ADAMTS19: variants seen among roughly 807,000 people sequenced by gnomAD.
ADAMTS19 encodes A disintegrin and metalloproteinase with thrombospondin motifs 19.
ADAMTS19 carries 93 observed loss-of-function variants against 153.3 expected under a neutral mutation model. The ratio of observed to expected loss-of-function variants is 0.61; its 90% CI spans 0.51 to 0.72. The LOEUF (loss-of-function observed/expected upper bound fraction) is 0.72, where lower values mean the gene tolerates loss of function less well. Ranked by LOEUF, ADAMTS19 falls within the 30% of genes least tolerant of loss-of-function variation. ADAMTS19 has a pLI of 0.00. For synonymous variants in ADAMTS19, 600 were observed against 556.6 expected (o/e 1.08, Z -1.10); for missense variants, 1,482 against 1,552.1 (o/e 0.95, Z 0.76).
chr5:129,515,290 T>C (rs898393317), intron 3 of ADAMTS19, among the ~76,000 whole-genome samples: 4 of 151,950 alleles, frequency 2.6e-5, no homozygotes, highest in Admixed American at 6.6e-5. Context: ...AGTGATTCCA[T>C]ATAAGTTTTA....
Position 129,583,891 on chromosome 5 carries a change from A to G in ADAMTS19, c.1373-12668A>G, listed in dbSNP as rs376898882. On this transcript the variant is annotated intron_variant, in intron 7 of 22. Transcript: ENST00000274487. ...AACTTGGAGAAGTTTGTTATTACCCACCTTCTGAAGCCTACTTCTGTCAAT... is the reference window on the plus strand; with the variant it reads ...AACTTGGAGAAGTTTGTTATTACCCGCCTTCTGAAGCCTACTTCTGTCAAT... 1.5e-3 allele frequency among the ~76,000 whole-genome samples: 221 copies of G among 152,026 alleles called. 1 individual carries two copies. In the South Asian group the frequency reaches 0.023, roughly 16 times the overall value.
chr5:129,541,383 T>C (rs1752648943), intron 6 of ADAMTS19, among the ~76,000 whole-genome samples: 1 of 151,988 alleles, frequency 6.6e-6, no homozygotes, highest in African/African-American at 2.4e-5. Flanking sequence ...TGATGTATTA[T>C]ATATTTAGAA....
chr5:129,461,003 C>A lies in ADAMTS19; in HGVS notation c.92-99C>A. 1 of 1,245,568 alleles carries A rather than the reference C, an allele frequency of 8.0e-7. No individual in the cohort carries two copies. Among genetic ancestry groups the A allele is most frequent in the African/African-American group, 1.6e-5 (1 of 63,600 alleles). The allele number at this position is 1,245,568 out of a possible 1,614,324, so 77.2% of individuals were successfully genotyped here. The stretch of plus-strand genomic sequence containing the variant: ...GACGGGTGGTCTCCATTGCATTCAA[C>A]GCGAGCGCCCTGTATCTATGGACTG... On this transcript the variant is annotated intron_variant, in intron 1 of 22. Transcript: ENST00000274487. The surrounding 1 kb of genome is among the most constrained non-coding windows in gnomAD (Gnocchi z 4.6).
intron 2 of ADAMTS19, among the ~76,000 whole-genome samples, chr5:129,470,098 G>T (rs771997038): frequency 1.3e-5 from 2 of 152,116 alleles, no homozygotes; most frequent in East Asian, 3.8e-4. Flanking sequence ...GGCCAATTTT[G>T]TGAGAAGAAA....
chr5:129,702,936 AAAAAAATATATATAT>A (rs879588206), intron 20 of ADAMTS19, among the ~76,000 whole-genome samples: 1,098 of 28,152 alleles, frequency 0.039, 26 homozygotes, highest in Non-Finnish European at 0.066. Flanking sequence ...TGCCAAAAAA[AAAAAAATATATATAT>A]ATATATATAT....
chr5:129,698,735 A>C (rs1490886060), intron 19 of ADAMTS19, among the ~76,000 whole-genome samples: 1 of 152,150 alleles, frequency 6.6e-6, no homozygotes, highest in Admixed American at 6.5e-5. Context: ...GTGTCTTCTG[A>C]GTTCCATAGT....
intron 21 of ADAMTS19, among the ~76,000 whole-genome samples, chr5:129,712,107 G>A (rs557224332): frequency 6.6e-5 from 10 of 152,038 alleles, no homozygotes; most frequent in Admixed American, 2.6e-4. Context: ...ATTCAAAATT[G>A]GTTTCTAATT....
At chr5:129,676,648 C>G (rs759342141) in intron 16 of ADAMTS19, among the ~76,000 whole-genome samples, 54 of 152,300 alleles carry the variant, frequency 3.5e-4, no homozygotes, top group Middle Eastern at 3.4e-3. Context: ...GTCTAATTTT[C>G]TAGTTATTTA....
chr5:129,463,438 G>C (rs1016417800), intron 2 of ADAMTS19, among the ~76,000 whole-genome samples: 1 of 152,162 alleles, frequency 6.6e-6, no homozygotes, highest in African/African-American at 2.4e-5. Flanking sequence ...CTGAATAGGA[G>C]TTTGACATAC....
At chr5:129,604,709 T>C (rs1175727020) in intron 8 of ADAMTS19, among the ~76,000 whole-genome samples, 1 of 152,234 alleles carries the variant, frequency 6.6e-6, no homozygotes, top group African/African-American at 2.4e-5. Context: ...ACAGATGCTG[T>C]ATGCATATTC....
intron 10 of ADAMTS19, among the ~76,000 whole-genome samples, chr5:129,623,496 G>A (rs1449774921): frequency 1.3e-5 from 2 of 152,280 alleles, no homozygotes; most frequent in South Asian, 2.1e-4. Context: ...ATGCCTCAAA[G>A]GAGTTTGGCT....
rs548610447 is a variant in ADAMTS19, at chr5:129,597,859, G to A, written c.1478+1195G>A. Among the ~76,000 whole-genome samples the A allele has an allele frequency of 1.6e-4, 23 of 148,328 alleles. No individual in the cohort carries two copies. In the South Asian group the frequency reaches 2.1e-3, roughly 14 times the overall value. On this transcript the variant is annotated intron_variant, in intron 8 of 22. Coordinates refer to ENST00000274487, the MANE Select transcript of ADAMTS19 (RefSeq NM_133638.6). ...AGAGGTTGCAGTGAGCTGAGATTAC[G>A]CCACTGCACTCCAGCCTGGTGACAG... is the stretch of plus-strand genomic sequence containing the variant.
At chr5:129,465,448 G>A (rs1749824606) in intron 2 of ADAMTS19, among the ~76,000 whole-genome samples, 1 of 151,208 alleles carries the variant, frequency 6.6e-6, no homozygotes, top group Non-Finnish European at 1.5e-5. Context: ...ATGATGAAGT[G>A]TAGATACTAA....
chr5:129,477,581 T>A (rs578255267), intron 2 of ADAMTS19, among the ~76,000 whole-genome samples: 1 of 152,196 alleles, frequency 6.6e-6, no homozygotes, highest in Non-Finnish European at 1.5e-5. Context: ...TACTAAAGCA[T>A]CCTTGGGGAC....
chr5:129,465,849 G>T (rs905207177), intron 2 of ADAMTS19, among the ~76,000 whole-genome samples: 1 of 152,140 alleles, frequency 6.6e-6, no homozygotes, highest in African/African-American at 2.4e-5. Flanking sequence ...ATATAAAGCA[G>T]TATTAGAAGA....
At chr5:129,486,805 TAAGAA>T (rs1750610426) in intron 2 of ADAMTS19, among the ~76,000 whole-genome samples, 2 of 152,078 alleles carry the variant, frequency 1.3e-5, no homozygotes, top group African/African-American at 4.8e-5. Context: ...AGCAGGAGGA[TAAGAA>T]AAGAAGTAAA....
At chr5:129,690,775 C>A (rs1006439255) in intron 18 of ADAMTS19, among the ~76,000 whole-genome samples, 2 of 151,364 alleles carry the variant, frequency 1.3e-5, no homozygotes, top group Admixed American at 1.3e-4. Context: ...TGCTTACTGG[C>A]CATTGTTAAT....
intron 5 of ADAMTS19, 90 bp downstream of exon 5, chr5:129,527,921 T>A: frequency 1.2e-6 from 1 of 812,738 alleles, no homozygotes; most frequent in Non-Finnish European, 2.0e-6. Context: ...AGGATGTGCT[T>A]AAAAATCCAG....
chr5:129,559,056 G>A (rs1218318356), intron 7 of ADAMTS19, among the ~76,000 whole-genome samples: 1 of 151,956 alleles, frequency 6.6e-6, no homozygotes, highest in Non-Finnish European at 1.5e-5. Flanking sequence ...TCAGGGAGAG[G>A]ATACCATATT....
Sources: allele counts gnomAD v4.1 joint callset (sites outside exome capture counted in the v4.1 genomes callset), GRCh38; gene constraint gnomAD v4.1.1; non-coding constraint Gnocchi (gnomAD v3.1); transcripts MANE v1.5; gene names NCBI Gene and HGNC (gene_info 2026-07-23, HGNC 2026-07-21).